DNAI1: variants seen among roughly 807,000 people sequenced by gnomAD.
DNAI1 encodes the protein dynein axonemal intermediate chain 1.
A neutral mutation model predicts 92.0 loss-of-function variants in DNAI1; 67 were observed. The ratio of observed to expected loss-of-function variants is 0.73; its 90% CI spans 0.60 to 0.89. The LOEUF (loss-of-function observed/expected upper bound fraction) is 0.89, where lower values mean the gene tolerates loss of function less well. DNAI1 is among the 40% of genes least tolerant of loss of function. The pLI, the probability that DNAI1 is intolerant of heterozygous loss-of-function variation, is 0.00. For synonymous variants in DNAI1, 323 were observed against 319.6 expected, an observed-to-expected ratio of 1.01 and a Z score of -0.11; for missense variants, 839 against 866.6, an observed-to-expected ratio of 0.97 and a Z score of 0.40.
At chr9:34,477,918 CTCTCTCTTT>C (rs1310224329) in intron 1 of DNAI1, among the ~76,000 whole-genome samples, 2 of 68,196 alleles carry the variant, frequency 2.9e-5, no homozygotes, top group Admixed American at 4.1e-4. Context: ...CTCTCTCTCT[CTCTCTCTTT>C]TTTTTTTTTT....
At chr9:34,468,931 T>C (rs1439026268) in intron 1 of DNAI1, among the ~76,000 whole-genome samples, 2 of 151,968 alleles carry the variant, frequency 1.3e-5, no homozygotes, top group African/African-American at 4.8e-5. Flanking sequence ...CTATGGAATA[T>C]ATTATATATG....
intron 1 of DNAI1, among the ~76,000 whole-genome samples, chr9:34,465,117 G>C (rs1347976899): frequency 6.6e-6 from 1 of 152,162 alleles, no homozygotes; most frequent in Non-Finnish European, 1.5e-5. Context: ...AGTTATTGGG[G>C]ACCTTGGAAA....
chr9:34,514,793 A>G, intron 18 of DNAI1, 54 bp downstream of exon 18: 2 of 1,576,874 alleles, frequency 1.3e-6, no homozygotes, highest in South Asian at 2.2e-5. Context: ...CAGGTGTGTT[A>G]TCTCAGGGGC....
chr9:34,512,101 T>C lies in DNAI1; in HGVS notation c.1312-8T>C, dbSNP rs763839861. On this transcript the variant is annotated splice_region_variant and splice_polypyrimidine_tract_variant and intron_variant, in intron 13 of 19. Coordinates refer to ENST00000242317, the MANE Select transcript of DNAI1 (RefSeq NM_012144.4). ...GGGTCCCAGAGCTCACATTTTGGGA[T>C]GTTTCAGGTCAAGTGGCAGAAGGAT... The C allele has an allele frequency of 8.1e-6, 13 of 1,613,972 alleles. No individual in the cohort carries two copies. Among genetic ancestry groups the C allele is most frequent in the Middle Eastern group, 1.6e-4 (1 of 6,062 alleles).
intron 4 of DNAI1, chr9:34,488,010 A>T (rs575150049): frequency 2.8e-6 from 1 of 354,648 alleles, no homozygotes. Flanking sequence ...TACTGGGGAC[A>T]AGATGAAGGT....
chr9:34,458,871 G>C lies in DNAI1; in HGVS notation c.-135G>C. 2 of 779,590 alleles carry C rather than the reference G, an allele frequency of 2.6e-6. No homozygotes were observed. Among genetic ancestry groups the C allele is most frequent in the East Asian group, 2.6e-5 (1 of 38,510 alleles). The allele number at this position is 779,590 out of a possible 1,614,324, so 48.3% of individuals were successfully genotyped here. ...CAAGGGCACGGGGACCCACAACGAC[G>C]GCTGTCCCTAAAGAACCGTTGCGAC... On this transcript the variant is annotated 5_prime_UTR_variant, in exon 1 of 20. Coordinates refer to ENST00000242317, the MANE Select transcript of DNAI1 (RefSeq NM_012144.4). The surrounding 1 kb of genome is among the most constrained non-coding windows in gnomAD (Gnocchi z 6.6).
At chr9:34,497,074 G>A in intron 9 of DNAI1, 41 bp from the exon 10 acceptor site, 1 of 1,503,962 alleles carries the variant, frequency 6.6e-7, no homozygotes, top group South Asian at 1.1e-5. Flanking sequence ...ACCTTGCTAA[G>A]TGCTGGTTTA....
At position 34,490,000 on chromosome 9, in the gene DNAI1, T is replaced by G; in HGVS notation, c.389-12T>G. The G allele has an allele frequency of 6.2e-7, 1 of 1,613,828 alleles. No homozygotes were observed. The highest frequency in any genetic ancestry group is 8.5e-7 in the Non-Finnish European group (1 of 1,179,886). ...GCTTAGACTTTGAACTCATTGGCAG[T>G]ATCCTACCAAGGTTCTCAGGAGTCT... On this transcript the variant is annotated splice_polypyrimidine_tract_variant and intron_variant, in intron 5 of 19. Transcript: ENST00000242317.
chr9:34,468,014 C>T (rs981235195), intron 1 of DNAI1, among the ~76,000 whole-genome samples: 47 of 151,972 alleles, frequency 3.1e-4, no homozygotes, highest in Non-Finnish European at 2.1e-4. Context: ...TATTTATGGA[C>T]ATAAAGGAAA....
intron 13 of DNAI1, among the ~76,000 whole-genome samples, chr9:34,511,361 T>A (rs79330512): frequency 0.011 from 1,653 of 152,280 alleles, 32 homozygotes; most frequent in African/African-American, 0.038. Context: ...TGATTTGCAG[T>A]TGGAGAAATG....
At chr9:34,480,450 G>T (rs1331446424) in intron 1 of DNAI1, among the ~76,000 whole-genome samples, 1 of 151,562 alleles carries the variant, frequency 6.6e-6, no homozygotes, top group African/African-American at 2.4e-5. Flanking sequence ...GCTAATTTTT[G>T]TATTTTTAGT....
At chr9:34,482,391 C>T (rs936371050) in intron 1 of DNAI1, among the ~76,000 whole-genome samples, 1 of 147,200 alleles carries the variant, frequency 6.8e-6, no homozygotes, top group African/African-American at 2.5e-5. Flanking sequence ...TCTGCACGTC[C>T]TCACCAGAGC....
At chr9:34,460,896 A>G (rs1325240567) in intron 1 of DNAI1, among the ~76,000 whole-genome samples, 4 of 151,918 alleles carry the variant, frequency 2.6e-5, no homozygotes, top group Non-Finnish European at 5.9e-5. Flanking sequence ...GCTGGAGTGC[A>G]GTGGTGTGAT....
At chr9:34,499,757 C>T (rs556426464) in intron 10 of DNAI1, among the ~76,000 whole-genome samples, 2 of 152,274 alleles carry the variant, frequency 1.3e-5, no homozygotes, top group Non-Finnish European at 2.9e-5. Flanking sequence ...AAACAGGAGA[C>T]AACTGGACTC....
At chr9:34,482,987 C>T (rs1824398194) in intron 1 of DNAI1, among the ~76,000 whole-genome samples, 2 of 152,238 alleles carry the variant, frequency 1.3e-5, no homozygotes, top group Admixed American at 1.3e-4. Context: ...TCAGTACACC[C>T]TCCGCAGCCA....
At chr9:34,518,088 C>A (rs1017886410) in intron 19 of DNAI1, among the ~76,000 whole-genome samples, 1 of 152,222 alleles carries the variant, frequency 6.6e-6, no homozygotes, top group South Asian at 2.1e-4. Context: ...CAGATCCAGA[C>A]TTATGAACCC....
At chr9:34,501,284 C>CT in intron 12 of DNAI1, 103 bp downstream of exon 12, 2 of 1,000,628 alleles carry the variant, frequency 2.0e-6, no homozygotes, top group South Asian at 2.6e-5. Flanking sequence ...ACAAAGATGA[C>CT]TGCCCGCAGG....
intron 12 of DNAI1, among the ~76,000 whole-genome samples, chr9:34,504,901 G>A (rs1273263548): frequency 1.3e-5 from 2 of 152,162 alleles, no homozygotes; most frequent in Non-Finnish European, 2.9e-5. Context: ...TATGGGAAAT[G>A]GAGAGAGGGT....
chr9:34,485,037 G>T (rs1401217838), intron 2 of DNAI1, 105 bp from the exon 3 acceptor site: 22 of 1,062,798 alleles, frequency 2.1e-5, no homozygotes, highest in Non-Finnish European at 2.9e-6. Context: ...CTACATACAA[G>T]GGGCAGAGCT....
Sources: allele counts gnomAD v4.1 joint callset (sites outside exome capture counted in the v4.1 genomes callset), GRCh38; gene constraint gnomAD v4.1.1; non-coding constraint Gnocchi (gnomAD v3.1); transcripts MANE v1.5; gene names NCBI Gene and HGNC (gene_info 2026-07-23, HGNC 2026-07-21).